The following WIPF2 variants were observed in gnomAD, a reference collection of about 807,000 sequenced individuals.
The protein encoded by WIPF2 is WAS/WASL-interacting protein family member 2.
WIPF2 carries 23 observed loss-of-function variants against 38.8 expected under a neutral mutation model. The observed-to-expected ratio is 0.59, with a 90% CI of 0.43 to 0.84. The LOEUF (loss-of-function observed/expected upper bound fraction) is 0.84, where lower values mean the gene tolerates loss of function less well. Among genes scored for constraint, WIPF2 ranks in the 40% least tolerant of loss-of-function variants. WIPF2 has a pLI of 0.00. For missense variants in WIPF2, 574 were observed against 580.5 expected, an observed-to-expected ratio of 0.99 and a Z score of 0.11; for synonymous variants, 210 against 223.2, an observed-to-expected ratio of 0.94 and a Z score of 0.53.
intron 3 of WIPF2, among the ~76,000 whole-genome samples, chr17:40,261,294 T>C (rs2031893587): frequency 6.6e-6 from 1 of 152,042 alleles, no homozygotes. Flanking sequence ...TGTTGAACAT[T>C]TCTTTTTTTT....
chr17:40,246,440 C>G (rs1284416594), intron 1 of WIPF2, among the ~76,000 whole-genome samples: 1 of 145,348 alleles, frequency 6.9e-6, no homozygotes, highest in Non-Finnish European at 1.5e-5. Context: ...TTCTTGTTGC[C>G]TAGGCTGGAG....
intron 1 of WIPF2, among the ~76,000 whole-genome samples, chr17:40,228,938 C>CTT (rs372065186): frequency 6.9e-6 from 1 of 144,256 alleles, no homozygotes; most frequent in Non-Finnish European, 1.5e-5. Context: ...CGGTGGAAGA[C>CTT]TTTTTTTTTT....
At chr17:40,253,701 A>G (rs2031631451) in intron 1 of WIPF2, among the ~76,000 whole-genome samples, 1 of 152,210 alleles carries the variant, frequency 6.6e-6, no homozygotes, top group Admixed American at 6.5e-5. Flanking sequence ...CATTCCCCAC[A>G]GGAACCACTT....
At chr17:40,262,229 T>A (rs996188062) in intron 3 of WIPF2, among the ~76,000 whole-genome samples, 28 of 151,962 alleles carry the variant, frequency 1.8e-4, no homozygotes, top group African/African-American at 6.8e-4. Flanking sequence ...TATATAGGCA[T>A]GCATCACCAT....
At chr17:40,229,805 T>C (rs1326060123) in intron 1 of WIPF2, among the ~76,000 whole-genome samples, 1 of 152,106 alleles carries the variant, frequency 6.6e-6, no homozygotes, top group African/African-American at 2.4e-5. Flanking sequence ...CCCAGGTTGA[T>C]TGAGAGGAAG....
Position 40,264,776 on chromosome 17 carries a change from C to G in WIPF2, c.600C>G (p.Ala200=), listed in dbSNP as rs200507326. ...PTPLPMHSSK[A]PAYNREKPLP... ...CTCTGCCTATGCACAGCAGCAAAGC[C>G]CCCGCCTACAACAGAGAGAAACCCT... The change falls in exon 5 of 8, where the codon GCC becomes GCG. Residue 200 remains alanine (A), a synonymous_variant. Coordinates refer to ENST00000323571, the MANE Select transcript of WIPF2 (RefSeq NM_133264.5). The G allele has an allele frequency of 6.2e-7, 1 of 1,607,748 alleles. No homozygotes were observed. The highest frequency in any genetic ancestry group is 2.2e-5 in the East Asian group (1 of 44,814).
intron 1 of WIPF2, among the ~76,000 whole-genome samples, chr17:40,220,151 T>TG (rs796170738): frequency 3.9e-5 from 6 of 152,034 alleles, no homozygotes; most frequent in African/African-American, 9.6e-5. Context: ...ATTTTTTTTT[T>TG]TTTGTTTTAA....
intron 4 of WIPF2, 136 bp from the exon 5 acceptor site, chr17:40,264,346 AAAAAAAAG>A: frequency 6.0e-6 from 4 of 671,060 alleles, no homozygotes; most frequent in Non-Finnish European, 4.9e-6. Flanking sequence ...AAAAAAAAAA[AAAAAAAAG>A]AAAAACAAAA....
intron 5 of WIPF2, among the ~76,000 whole-genome samples, chr17:40,272,588 A>G (rs1228789714): frequency 2.6e-5 from 4 of 152,106 alleles, no homozygotes; most frequent in Non-Finnish European, 5.9e-5. Flanking sequence ...AGGTGGAGGG[A>G]CTCAGAAGAA....
At chr17:40,246,573 AT>A (rs1046272882) in intron 1 of WIPF2, among the ~76,000 whole-genome samples, 6 of 149,050 alleles carry the variant, frequency 4.0e-5, no homozygotes, top group Admixed American at 1.3e-4. Flanking sequence ...CAATTTTTGT[AT>A]TTTTAGTAGA....
intron 1 of WIPF2, among the ~76,000 whole-genome samples, chr17:40,247,973 C>A (rs1027506966): frequency 1.3e-5 from 2 of 151,946 alleles, no homozygotes; most frequent in Non-Finnish European, 2.9e-5. Flanking sequence ...TCATTTGTTG[C>A]AATTGTCTTT....
In WIPF2 at chr17:40,219,394, G is replaced by T. The variant is rs535395784; in HGVS notation, c.-168G>T. On this transcript the variant is annotated 5_prime_UTR_variant, in exon 1 of 8. Coordinates refer to ENST00000323571, the MANE Select transcript of WIPF2 (RefSeq NM_133264.5). ...GGCGGCGGCGGCGGCGGCGGCGGCG[G>T]CGGCGACGGCGAGAAAGAGCTTGCC... 0.013 allele frequency: 5,240 copies of T among 416,270 alleles called. 75 individuals carry two copies. The highest frequency in any genetic ancestry group is 0.018 in the Non-Finnish European group (3,984 of 219,522). 25.8% of individuals were successfully genotyped at this position (416,270 alleles called of 1,614,324 possible). A position where few individuals can be genotyped will look rare whatever the true frequency, so the allele number is the denominator to read the frequency against.
intron 5 of WIPF2, among the ~76,000 whole-genome samples, chr17:40,267,372 GGTT>G (rs2032119903): frequency 6.6e-6 from 1 of 152,140 alleles, no homozygotes; most frequent in Admixed American, 6.5e-5. Context: ...AAAAAGAAGA[GGTT>G]GTGTAATCTC....
rs2032525081 is a variant in WIPF2 at position 40,280,602 on chromosome 17, C to T, written c.*2377C>T. 1 of 152,540 alleles carries T rather than the reference C, an allele frequency of 6.6e-6. No homozygotes were observed. Among genetic ancestry groups the T allele is most frequent in the Non-Finnish European group, 1.5e-5 (1 of 68,006 alleles). 9.4% of individuals were successfully genotyped at this position (152,540 alleles called of 1,614,324 possible). A position where few individuals can be genotyped will look rare whatever the true frequency, so the allele number is the denominator to read the frequency against. ...GACTGAACTTTGACTGTGAAGTCTT[C>T]CCATTTATTTTTGAAATGGGAGTCG... On this transcript the variant is annotated 3_prime_UTR_variant, in exon 8 of 8. Coordinates refer to ENST00000323571, the MANE Select transcript of WIPF2 (RefSeq NM_133264.5).
Position 40,278,815 on chromosome 17 carries a change from C to CATACAGGTCA in WIPF2, c.*590_*591insATACAGGTCA. 1 of 151,788 alleles carries CATACAGGTCA rather than the reference C, an allele frequency of 6.6e-6. No homozygotes were observed. The allele number at this position is 151,788 out of a possible 1,614,324, so 9.4% of individuals were successfully genotyped here. On this transcript the variant is annotated 3_prime_UTR_variant, in exon 8 of 8. Transcript: ENST00000323571. ...TTTGTTCTCACCTGCTGCCCCCCCACCCCACCACCCCAGGGATAAATTGGA... is the reference window on the plus strand; with the variant it reads ...TTTGTTCTCACCTGCTGCCCCCCCACATACAGGTCACCCACCACCCCAGGGATAAATTGGA...
intron 1 of WIPF2, among the ~76,000 whole-genome samples, chr17:40,223,922 C>T (rs568938523): frequency 6.6e-6 from 1 of 151,888 alleles, no homozygotes; most frequent in South Asian, 2.1e-4. Flanking sequence ...TACTTGTGTT[C>T]TCTGATTGGG....
chr17:40,260,696 C>T (rs1567720333), intron 3 of WIPF2, 29 bp downstream of exon 3: 5 of 1,613,374 alleles, frequency 3.1e-6, no homozygotes, highest in Non-Finnish European at 3.4e-6. Flanking sequence ...TCCTAGTGAA[C>T]TGGCAGGATC....
chr17:40,244,691 A>G (rs1036565700), intron 1 of WIPF2, among the ~76,000 whole-genome samples: 2 of 152,176 alleles, frequency 1.3e-5, no homozygotes, highest in African/African-American at 4.8e-5. Context: ...GATGGCCTAT[A>G]TATAAAGCCT....
intron 1 of WIPF2, among the ~76,000 whole-genome samples, chr17:40,253,261 A>G (rs2031616261): frequency 6.7e-6 from 1 of 149,122 alleles, no homozygotes; most frequent in Non-Finnish European, 1.5e-5. Context: ...ACAGGGTTTC[A>G]CTGTGTTAGC....
Sources: gnomAD v4.1 joint callset for allele counts (sites outside exome capture counted in the v4.1 genomes callset) on GRCh38, gnomAD v4.1.1 for gene constraint, MANE v1.5 for transcripts, NCBI Gene and HGNC (gene_info 2026-07-23, HGNC 2026-07-21) for gene names.